The following PPT1 variants were observed in gnomAD, a reference collection of about 807,000 sequenced individuals.
PPT1 encodes the protein palmitoyl-protein thioesterase 1.
In PPT1, 24 loss-of-function variants were observed where a neutral mutation model predicts 44.0. The ratio of observed to expected loss-of-function variants is 0.54; its 90% CI spans 0.39 to 0.77. The LOEUF (loss-of-function observed/expected upper bound fraction) is 0.77, where lower values mean the gene tolerates loss of function less well. PPT1 is among the 30% of genes least tolerant of loss of function. The pLI is 0.00. For missense variants in PPT1, 341 were observed against 378.8 expected, an observed-to-expected ratio of 0.90 and a Z score of 0.83; for synonymous variants, 148 against 140.2, an observed-to-expected ratio of 1.06 and a Z score of -0.39.
chr1:40,093,900 A>AG lies in PPT1; in HGVS notation c.125-1394_125-1393insC. 4.7e-6 allele frequency: 3 copies of AG among 633,464 alleles called. No homozygotes were observed. In the African/African-American group the frequency reaches 5.6e-5, roughly 12 times the overall value. 39.2% of individuals were successfully genotyped at this position (633,464 alleles called of 1,614,324 possible). ...CTCCATCTCAAAAAAAAAAAAAAAA[A>AG]AAAATCCATATAGGCCAAGCATGGG... is the stretch of plus-strand genomic sequence containing the variant. On this transcript the variant is annotated intron_variant, in intron 1 of 8. Coordinates refer to ENST00000642050, the MANE Select transcript of PPT1 (RefSeq NM_000310.4).
chr1:40,088,424 C>T (rs1021850785), intron 5 of PPT1, among the ~76,000 whole-genome samples: 6 of 152,146 alleles, frequency 3.9e-5, no homozygotes, highest in Admixed American at 2.6e-4. Context: ...GGATTACAGG[C>T]GTGAGCCACC....
chr1:40,092,419 C>A lies in PPT1; in HGVS notation c.213G>T (p.Glu71Asp). The change falls in exon 2 of 9, where the codon GAG becomes GAT. Residue 71 changes from glutamate to aspartate, a missense_variant. By Grantham distance (45) the Glu-to-Asp change is conservative. Transcript: ENST00000642050. ...KIPGIYVLSL[E>D]IGKTLMEDVE... ...TTACCTCCATCAGGGTCTTCCCAAT[C>A]TCTAAAGATAAGACGTAAATTCCAG... The A allele has an allele frequency of 6.2e-7, 1 of 1,612,210 alleles. No individual in the cohort carries two copies. The highest frequency in any genetic ancestry group is 1.7e-4 in the Middle Eastern group (1 of 6,058).
At chr1:40,082,624 G>A (rs780139408) in intron 5 of PPT1, among the ~76,000 whole-genome samples, 27 of 152,334 alleles carry the variant, frequency 1.8e-4, no homozygotes, top group Admixed American at 4.6e-4. Context: ...TGAAGGCTGA[G>A]AGAGGTGAGG....
At chr1:40,083,273 C>A (rs1216758628) in intron 5 of PPT1, among the ~76,000 whole-genome samples, 2 of 152,196 alleles carry the variant, frequency 1.3e-5, no homozygotes, top group East Asian at 3.9e-4. Context: ...CATAGCAAGA[C>A]CCCACCTCTA....
chr1:40,074,447 C>T (rs1249454463), intron 8 of PPT1, among the ~76,000 whole-genome samples: 2 of 113,158 alleles, frequency 1.8e-5, no homozygotes, highest in South Asian at 6.8e-4. Flanking sequence ...CTTCTTCTTC[C>T]TCTCTCTCTC....
chr1:40,086,826 T>C (rs1649288649), intron 5 of PPT1, among the ~76,000 whole-genome samples: 2 of 151,954 alleles, frequency 1.3e-5, no homozygotes, highest in South Asian at 2.1e-4. Flanking sequence ...GGAGAGAGAA[T>C]ACCCTGGCTC....
downstream of PPT1, chr1:40,071,868 A>G: frequency 4.5e-6 from 2 of 440,098 alleles, no homozygotes; most frequent in South Asian, 6.6e-5. Context: ...CATTGGAAAG[A>G]AAACAGTCCC....
At chr1:40,094,355 T>G (rs999694105) in intron 1 of PPT1, among the ~76,000 whole-genome samples, 4 of 152,170 alleles carry the variant, frequency 2.6e-5, no homozygotes, top group African/African-American at 9.7e-5. Context: ...TTGAGCTCTT[T>G]GAGAATCTAA....
rs566932238 is a variant in PPT1, at chr1:40,080,382, G to C, written c.627+15C>G. ...AAAGAACGCACATCTATGGGAGCCC[G>C]GTTTGGGTGCTTACCCGCTCCTGAT... On this transcript the variant is annotated intron_variant, in intron 6 of 8. Transcript: ENST00000642050. 6.2e-7 allele frequency: 1 copy of C among 1,611,020 alleles called. No individual in the cohort carries two copies. The highest frequency in any genetic ancestry group is 8.5e-7 in the Non-Finnish European group (1 of 1,177,382).
intron 1 of PPT1, 145 bp from the exon 2 acceptor site, chr1:40,092,652 A>G (rs1649634129): frequency 1.2e-5 from 9 of 720,770 alleles, no homozygotes; most frequent in South Asian, 1.1e-4. Context: ...GTTATCTGAT[A>G]AGGGCTTAAT....
Position 40,073,996 on chromosome 1 carries a change from A to C in PPT1, c.*65T>G. On this transcript the variant is annotated 3_prime_UTR_variant, in exon 9 of 9. Transcript: ENST00000642050. ...GAGCTCAGGCTTGGGCATGAAGGAA[A>C]CTGTCTCCCATGTGGTTTGGAAGAG... 11 of 1,603,904 alleles carry C rather than the reference A, an allele frequency of 6.9e-6. 1 individual carries two copies. In the South Asian group the frequency reaches 1.2e-4, roughly 18 times the overall value.
At chr1:40,085,291 A>T (rs1053657885) in intron 5 of PPT1, among the ~76,000 whole-genome samples, 1 of 152,112 alleles carries the variant, frequency 6.6e-6, no homozygotes, top group Non-Finnish European at 1.5e-5. Flanking sequence ...TCGGCTGCCA[A>T]ACAGGGAAGG....
chr1:40,084,363 C>T lies in PPT1; in HGVS notation c.537-3876G>A, dbSNP rs527490642. Among the ~76,000 whole-genome samples, 3 of 152,250 alleles carry T rather than the reference C, an allele frequency of 2.0e-5. No homozygotes were observed. In the East Asian group the frequency reaches 5.8e-4, roughly 29 times the overall value. ...GCTGTGAACACTGATGAAACGACAA[C>T]AAAGGATTTAGAATAAATATTACAT... On this transcript the variant is annotated intron_variant, in intron 5 of 8. Transcript: ENST00000642050.
chr1:40,090,160 A>G (rs573578743), intron 4 of PPT1, among the ~76,000 whole-genome samples: 1 of 152,078 alleles, frequency 6.6e-6, no homozygotes, highest in East Asian at 1.9e-4. Context: ...TTTCCAAGAG[A>G]TTGGGTCTTG....
rs746776515 is a variant in PPT1 at position 40,078,590 on chromosome 1, A to G, written c.696T>C (p.Asn232=). The change falls in exon 7 of 9, where the codon AAT becomes AAC. Residue 232 remains asparagine, a synonymous_variant. Transcript: ENST00000642050. ...AATCTACAGGGTCCACAATGGAATCATTGAGGAATTTCACCATCACAAACT... is the reference window on the plus strand; with the variant it reads ...AATCTACAGGGTCCACAATGGAATCGTTGAGGAATTTCACCATCACAAACT... ...LKKFVMVKFL[N]DSIVDPVDSE... 3 of 1,613,996 alleles carry G rather than the reference A, an allele frequency of 1.9e-6. No individual in the cohort carries two copies. In the East Asian group the frequency reaches 6.7e-5, roughly 36 times the overall value.
Position 40,074,150 on chromosome 1 carries a change from C to G in PPT1, c.832G>C (p.Gly278Arg), listed in dbSNP as rs1243793048. The G allele has an allele frequency of 6.2e-7, 1 of 1,614,046 alleles. No individual in the cohort carries two copies. Among genetic ancestry groups the G allele is most frequent in the Non-Finnish European group, 8.5e-7 (1 of 1,180,010 alleles). ...RLGLKEMDNA[G>R]QLVFLATEGD... ...TCTGTAGCCAGAAACACTAGCTGTC[C>G]TGCATTGTCCATTTCCTTTAGCCCC... is the stretch of plus-strand genomic sequence containing the variant. Residue 278 changes from glycine (G) to arginine (R), a missense_variant, in exon 9 of 9, where the codon GGA (glycine) becomes CGA (arginine). By Grantham distance (125) the Gly-to-Arg change is moderately radical (BLOSUM62 -2). Transcript: ENST00000642050.
chr1:40,085,400 TATC>T (rs1649209459), intron 5 of PPT1, among the ~76,000 whole-genome samples: 1 of 152,070 alleles, frequency 6.6e-6, no homozygotes, highest in African/African-American at 2.4e-5. Context: ...ATCCAATAAA[TATC>T]AGCGCAGCCT....
At chr1:40,079,179 C>CT (rs908140416) in intron 6 of PPT1, among the ~76,000 whole-genome samples, 13 of 152,144 alleles carry the variant, frequency 8.5e-5, no homozygotes, top group Admixed American at 2.6e-4. Flanking sequence ...GGATTTCATT[C>CT]TTTTTTATGA....
intron 8 of PPT1, among the ~76,000 whole-genome samples, chr1:40,076,362 G>A (rs1648630176): frequency 1.3e-5 from 2 of 152,044 alleles, no homozygotes; most frequent in South Asian, 4.1e-4. Flanking sequence ...CTACTAAGGG[G>A]GCTGAGGCAG....
Sources: gnomAD v4.1 joint callset for allele counts (sites outside exome capture counted in the v4.1 genomes callset) on GRCh38, gnomAD v4.1.1 for gene constraint, MANE v1.5 for transcripts, NCBI Gene and HGNC (gene_info 2026-07-23, HGNC 2026-07-21) for gene names.